Variants in HIPK4 observed in about 807,000 individuals in gnomAD.
HIPK4 encodes the protein homeodomain interacting protein kinase 4, also known as homeodomain-interacting protein kinase 4.
Under a neutral mutation model 44.8 loss-of-function variants are expected in HIPK4, and 26 were observed. The ratio of observed to expected loss-of-function variants is 0.58; its 90% confidence interval spans 0.43 to 0.80. The LOEUF is 0.80. Among genes scored for constraint, HIPK4 ranks in the 30% least tolerant of loss-of-function variants. The probability of loss-of-function intolerance (pLI) is 0.00; values close to 1 mark genes in which losing one functional copy is unlikely to be tolerated. For missense variants in HIPK4, 729 were observed against 862.6 expected, an observed-to-expected ratio of 0.85 and a Z score of 1.94; for synonymous variants, 340 against 355.5, an observed-to-expected ratio of 0.96 and a Z score of 0.49.
chr19:40,379,740 G>T lies in HIPK4; in HGVS notation c.1698C>A (p.Ser566Arg). The T allele has an allele frequency of 6.2e-7, 1 of 1,612,284 alleles. No individual in the cohort carries two copies. The highest frequency in any genetic ancestry group is 2.2e-5 in the East Asian group (1 of 44,800). Residue 566 changes from serine to arginine, a missense_variant, in exon 4 of 4, where the codon AGC becomes AGA. Transcript: ENST00000291823. Reference protein sequence around the residue: ...ERPDPELFDPSSCPGEWLSEP... With the variant: ...ERPDPELFDPRSCPGEWLSEP... The stretch of plus-strand genomic sequence containing the variant: ...CACTCAGCCATTCTCCAGGACAGCT[G>T]CTGGGGTCGAAGAGCTCAGGGTCTG...
intron 1 of HIPK4, among the ~76,000 whole-genome samples, chr19:40,387,336 C>T (rs2079367807): frequency 6.6e-6 from 1 of 152,156 alleles, no homozygotes; most frequent in Non-Finnish European, 1.5e-5. Flanking sequence ...CGTCACAGGC[C>T]TTTGACACAT....
At chr19:40,381,307 AG>A in intron 2 of HIPK4, 139 bp from the exon 3 acceptor site, 1 of 705,458 alleles carries the variant, frequency 1.4e-6, no homozygotes, top group Non-Finnish European at 2.3e-6. Flanking sequence ...GGCTGCTAGG[AG>A]GGCCACCCTG....
Position 40,389,749 on chromosome 19 carries a change from T to C in HIPK4, c.154A>G (p.Ile52Val), listed in dbSNP as rs755849000. 6.2e-7 allele frequency: 1 copy of C among 1,614,238 alleles called. No individual in the cohort carries two copies. The highest frequency in any genetic ancestry group is 8.5e-7 in the Non-Finnish European group (1 of 1,180,036). Residue 52 changes from isoleucine (I) to valine (V), a missense_variant, in exon 1 of 4, where the codon ATC becomes GTC. Physicochemically the swap from Ile to Val is conservative, Grantham distance 29 (BLOSUM62 3). Transcript: ENST00000291823. This position sits in a 1 kb window ranked among gnomAD's most constrained non-coding sequence, Gnocchi z 4.6. The part of the protein sequence containing the change: ...LKNDAYRNRI[I>V]KNELKLLHCM... ...TGCAGCAGCTTCAGCTCGTTCTTGATGATGCGGTTGCGGTAGGCGTCATTC... is the reference window on the plus strand; with the variant it reads ...TGCAGCAGCTTCAGCTCGTTCTTGACGATGCGGTTGCGGTAGGCGTCATTC...
rs900542114 is a variant in HIPK4, at chr19:40,380,796, T to C, written c.1195A>G (p.Lys399Glu). 3.2e-5 allele frequency: 52 copies of C among 1,613,946 alleles called. No homozygotes were observed. Among genetic ancestry groups the C allele is most frequent in the Non-Finnish European group, 3.7e-5 (44 of 1,179,962 alleles). ...ACACTGCCCATACCCGCAGCCTCCT[T>C]CTCCTCAGCCAGACAGTAGTAGGGG... ...GTPYYCLAEE[K>E]EAAGMGSVAG... Residue 399 changes from lysine (K) to glutamate (E), a missense_variant, in exon 3 of 4, where the codon AAG becomes GAG. Physicochemically the swap from Lys to Glu is moderately conservative, Grantham distance 56. This residue lies in a region of HIPK4 where 533 missense variants were observed against 567.5 expected (regional missense o/e 0.94). Transcript: ENST00000291823. This position sits in a 1 kb window ranked among gnomAD's most constrained non-coding sequence, Gnocchi z 4.2.
chr19:40,389,795 C>A lies in HIPK4; in HGVS notation c.108G>T (p.Met36Ile). ...CATTCTTGAGGATCTTGATGGCCAC[C>A]ATCTCGCCCGTGCTCCGCCGCCAGC... ...AKGWRRSTGE[M>I]VAIKILKNDA... Residue 36 changes from methionine (M) to isoleucine (I), a missense_variant, in exon 1 of 4, where the codon ATG becomes ATT. Met to Ile is a conservative substitution (Grantham distance 10). This residue lies in a region of HIPK4 where 196 missense variants were observed against 295.1 expected (regional missense o/e 0.66). Coordinates refer to ENST00000291823, the MANE Select transcript of HIPK4 (RefSeq NM_144685.5). This position sits in a 1 kb window ranked among gnomAD's most constrained non-coding sequence, Gnocchi z 4.6. 6.2e-7 allele frequency: 1 copy of A among 1,614,130 alleles called. No individual in the cohort carries two copies. The highest frequency in any genetic ancestry group is 8.5e-7 in the Non-Finnish European group (1 of 1,180,022).
intron 2 of HIPK4, 25 bp from the exon 3 acceptor site, chr19:40,381,193 AG>A (rs2079335272): frequency 6.4e-7 from 1 of 1,568,688 alleles, no homozygotes; most frequent in Non-Finnish European, 8.6e-7. Flanking sequence ...AGAAGGGGGC[AG>A]GGTTGACCAT....
At chr19:40,386,359 T>C (rs1002591936) in intron 1 of HIPK4, among the ~76,000 whole-genome samples, 14 of 152,088 alleles carry the variant, frequency 9.2e-5, no homozygotes, top group African/African-American at 3.1e-4. Context: ...GCCCAGCCCT[T>C]TTTTCCTTTT....
At chr19:40,388,018 T>TG (rs2079371181) in intron 1 of HIPK4, among the ~76,000 whole-genome samples, 2 of 147,670 alleles carry the variant, frequency 1.4e-5, no homozygotes, top group East Asian at 2.0e-4. Context: ...GTTTAGTTTT[T>TG]TTTTTTTTTT....
At chr19:40,383,697 C>A in intron 2 of HIPK4, 86 bp downstream of exon 2, 6 of 1,033,458 alleles carry the variant, frequency 5.8e-6, no homozygotes, top group Non-Finnish European at 8.6e-6. Context: ...GCTGGAATTA[C>A]AGGTGTGAGC....
chr19:40,385,026 C>T (rs117905401), intron 1 of HIPK4, among the ~76,000 whole-genome samples: 2,509 of 152,268 alleles, frequency 0.016, 30 homozygotes, highest in Admixed American at 0.031. Context: ...AGGGTTAGGA[C>T]CCTATTCTTC....
chr19:40,383,317 C>T (rs1015524123), intron 2 of HIPK4, among the ~76,000 whole-genome samples: 5 of 151,954 alleles, frequency 3.3e-5, no homozygotes, highest in East Asian at 2.0e-4. Flanking sequence ...CTCCTGACCT[C>T]GTGATCCACC....
chr19:40,385,683 CTTTTTTTTTT>C lies in HIPK4; in HGVS notation c.466-1554_466-1545del, dbSNP rs142414559. Among the ~76,000 whole-genome samples the C allele has an allele frequency of 3.1e-4, 21 of 67,022 alleles. No homozygotes were observed. The East Asian group carries it at 3.8e-3, about 12-fold the overall frequency. The allele number at this position is 67,022 out of a possible 152,430, so 44.0% of individuals were successfully genotyped here. On this transcript the variant is annotated intron_variant, in intron 1 of 3. Coordinates refer to ENST00000291823, the MANE Select transcript of HIPK4 (RefSeq NM_144685.5). The stretch of plus-strand genomic sequence containing the variant: ...CCTGTTTTTCTTTTTCTTTTCTTTT[CTTTTTTTTTT>C]TTTTTTTTTTTTTTTTGAGTCGGAG...
At chr19:40,381,323 C>T (rs1371595857) in intron 2 of HIPK4, among the ~76,000 whole-genome samples, 155 bp from the exon 3 acceptor site, 1 of 152,174 alleles carries the variant, frequency 6.6e-6, no homozygotes, top group Non-Finnish European at 1.5e-5. Flanking sequence ...ACCCTGGATC[C>T]GTCACACCCA....
rs747419517 is a variant in HIPK4, at chr19:40,380,689, C to T, written c.1302G>A (p.Leu434=). The T allele has an allele frequency of 6.2e-7, 1 of 1,614,124 alleles. No individual in the cohort carries two copies. The highest frequency in any genetic ancestry group is 8.5e-7 in the Non-Finnish European group (1 of 1,179,962). Residue 434 remains leucine (L), a synonymous_variant, in exon 3 of 4, where the codon CTG becomes CTA. Coordinates refer to ENST00000291823, the MANE Select transcript of HIPK4 (RefSeq NM_144685.5). The surrounding 1 kb of genome is among the most constrained non-coding windows in gnomAD (Gnocchi z 4.2). ...RAIDQLDDLS[L]QEAGHGLWGE... is the part of the protein sequence containing the mutation. ...CCCACAGCCCATGCCCAGCCTCCTG[C>T]AGACTCAGGTCATCCAGCTGGTCGA...
intron 2 of HIPK4, 129 bp from the exon 3 acceptor site, chr19:40,381,297 G>A: frequency 1.3e-6 from 1 of 777,348 alleles, no homozygotes; most frequent in Non-Finnish European, 2.0e-6. Context: ...GGAGCTCTCT[G>A]GCTGCTAGGA....
chr19:40,383,972 G>A lies in HIPK4; in HGVS notation c.633C>T (p.Gly211=), dbSNP rs2079350756. The A allele has an allele frequency of 5.0e-6, 8 of 1,614,182 alleles. No individual in the cohort carries two copies. The highest frequency in any genetic ancestry group is 6.8e-6 in the Non-Finnish European group (8 of 1,180,016). ...LGCVMAELHL[G]WPLYPGNNEY... ...CGTTGTTGCCGGGGTAGAGAGGCCA[G>A]CCCAGGTGCAGCTCAGCCATGACGC... The change falls in exon 2 of 4, where the codon GGC becomes GGT. Residue 211 remains glycine (G), a synonymous_variant. Transcript: ENST00000291823.
At chr19:40,386,566 C>T (rs945573923) in intron 1 of HIPK4, among the ~76,000 whole-genome samples, 1 of 151,624 alleles carries the variant, frequency 6.6e-6, no homozygotes, top group African/African-American at 2.4e-5. Context: ...ACTATGTTGC[C>T]CAGGATGGCT....
At chr19:40,384,783 T>G (rs1417976498) in intron 1 of HIPK4, among the ~76,000 whole-genome samples, 5 of 151,982 alleles carry the variant, frequency 3.3e-5, no homozygotes, top group African/African-American at 1.2e-4. Flanking sequence ...TGCTAATTTT[T>G]GTATTTTTAG....
At chr19:40,386,160 A>G (rs1377239631) in intron 1 of HIPK4, among the ~76,000 whole-genome samples, 1 of 151,776 alleles carries the variant, frequency 6.6e-6, no homozygotes, top group Admixed American at 6.6e-5. Context: ...ACCTCCACCT[A>G]CTGGATTCAA....
Sources: gnomAD v4.1 joint callset for allele counts (sites outside exome capture counted in the v4.1 genomes callset) on GRCh38, gnomAD v4.1.1 for gene constraint, gnomAD v4.1.1 regional missense constraint, Gnocchi (gnomAD v3.1) non-coding constraint, MANE v1.5 for transcripts, NCBI Gene and HGNC (gene_info 2026-07-23, HGNC 2026-07-21) for gene names.